The following KIF13A variants were observed in gnomAD, a reference collection of about 807,000 sequenced individuals.
KIF13A encodes kinesin-like protein KIF13A.
In KIF13A, 79 loss-of-function variants were observed where a neutral mutation model predicts 212.2. The ratio of observed to expected loss-of-function variants is 0.37; its 90% CI spans 0.31 to 0.45. The LOEUF is 0.45. KIF13A is among the 20% of genes least tolerant of loss of function. The pLI, the probability that KIF13A is intolerant of heterozygous loss-of-function variation, is 1.00. For synonymous variants in KIF13A, 789 were observed against 808.6 expected (o/e 0.98, Z 0.41); for missense variants, 1,901 against 2,209.0 (o/e 0.86, Z 2.79).
rs1779839185 is a variant in KIF13A, at chr6:17,971,924, G to A, written c.146+15130C>T. On this transcript the variant is annotated intron_variant, in intron 2 of 38. Transcript: ENST00000259711. This position sits in a 1 kb window ranked among gnomAD's most constrained non-coding sequence, Gnocchi z 4.2. ...TCTAGCTAGAGAGCTTAAAAAAAATGTCCCTAGGATTACAGTAGACCAGCA... is the reference window on the plus strand; with the variant it reads ...TCTAGCTAGAGAGCTTAAAAAAAATATCCCTAGGATTACAGTAGACCAGCA... Among the ~76,000 whole-genome samples, 1 of 152,126 alleles carries A rather than the reference G, an allele frequency of 6.6e-6. No individual in the cohort carries two copies. Among genetic ancestry groups the A allele is most frequent in the Non-Finnish European group, 1.5e-5 (1 of 68,028 alleles).
At chr6:17,821,648 T>C in intron 16 of KIF13A, 1 of 864,516 alleles carries the variant, frequency 1.2e-6, no homozygotes, top group Non-Finnish European at 1.7e-6. Context: ...ACAGAACACC[T>C]TCATCAGCCA....
Position 17,934,304 on chromosome 6 carries a change from G to A in KIF13A, c.147-36124C>T, listed in dbSNP as rs1189371996. Reference sequence around the variant, plus strand: ...GGCTTGTAGCGTGCACTTGCAGGTAGGCAAGAAAAGAAACCTACACCAGTT... The same window carrying A: ...GGCTTGTAGCGTGCACTTGCAGGTAAGCAAGAAAAGAAACCTACACCAGTT... On this transcript the variant is annotated intron_variant, in intron 2 of 38. Transcript: ENST00000259711. The surrounding 1 kb of genome is among the most constrained non-coding windows in gnomAD (Gnocchi z 5.4). Among the ~76,000 whole-genome samples the A allele has an allele frequency of 6.6e-6, 1 of 152,106 alleles. No individual in the cohort carries two copies. Among genetic ancestry groups the A allele is most frequent in the Non-Finnish European group, 1.5e-5 (1 of 68,028 alleles).
intron 9 of KIF13A, among the ~76,000 whole-genome samples, chr6:17,847,813 T>C (rs907486332): frequency 2.0e-5 from 3 of 152,106 alleles, no homozygotes; most frequent in African/African-American, 7.2e-5. Context: ...GGTACTATTA[T>C]TATTATTATT....
At chr6:17,806,535 A>G (rs530338944) in intron 18 of KIF13A, among the ~76,000 whole-genome samples, 1 of 152,218 alleles carries the variant, frequency 6.6e-6, no homozygotes, top group East Asian at 1.9e-4. Context: ...ATGAAAAACA[A>G]TTTTCTTACT....
intron 9 of KIF13A, among the ~76,000 whole-genome samples, chr6:17,841,985 G>A (rs1395044821): frequency 1.4e-5 from 2 of 147,040 alleles, no homozygotes; most frequent in Non-Finnish European, 3.0e-5. Flanking sequence ...ATGTATGTAT[G>A]TGTATATACA....
At chr6:17,889,400 G>A (rs550067246) in intron 3 of KIF13A, among the ~76,000 whole-genome samples, 17 of 152,194 alleles carry the variant, frequency 1.1e-4, no homozygotes, top group Admixed American at 5.9e-4. Context: ...AAAAAACACC[G>A]AAAGTGAATT....
rs112683346 is a variant in KIF13A at position 17,951,437 on chromosome 6, T to TA, written c.146+35616dup. On this transcript the variant is annotated intron_variant, in intron 2 of 38. Coordinates refer to ENST00000259711, the MANE Select transcript of KIF13A (RefSeq NM_022113.6). This position sits in a 1 kb window ranked among gnomAD's most constrained non-coding sequence, Gnocchi z 4.9. The stretch of plus-strand genomic sequence containing the variant: ...TGAGCCACTGTGACCAGCCTCAATT[T>TA]AAAAAAAAAAAAAAAACAGCTTTAA... 0.058 allele frequency: 26,730 copies of TA among 464,404 alleles called. 46 individuals carry two copies. The highest frequency in any genetic ancestry group is 0.099 in the East Asian group (2,726 of 27,520). The allele number at this position is 464,404 out of a possible 1,614,324, so 28.8% of individuals were successfully genotyped here.
At chr6:17,885,058 G>A (rs1771413891) in intron 3 of KIF13A, among the ~76,000 whole-genome samples, 1 of 151,950 alleles carries the variant, frequency 6.6e-6, no homozygotes, top group Non-Finnish European at 1.5e-5. Flanking sequence ...TTAATGCCAA[G>A]TTTCAATGCT....
In KIF13A at chr6:17,971,240, C is replaced by G. The variant is rs140647198; in HGVS notation, c.146+15814G>C. Among the ~76,000 whole-genome samples the G allele has an allele frequency of 4.6e-5, 7 of 152,300 alleles. No individual in the cohort carries two copies. Among genetic ancestry groups the G allele is most frequent in the African/African-American group, 1.4e-4 (6 of 41,560 alleles). On this transcript the variant is annotated intron_variant, in intron 2 of 38. Transcript: ENST00000259711. This position sits in a 1 kb window ranked among gnomAD's most constrained non-coding sequence, Gnocchi z 4.2. ...GGACACCTAACTGTACTTCACAGTT[C>G]AGAGTTCACATAGCTATGGTGGTAT...
chr6:17,817,306 C>T, intron 16 of KIF13A, 73 bp from the exon 17 acceptor site: 1 of 1,312,902 alleles, frequency 7.6e-7, no homozygotes, highest in East Asian at 2.3e-5. Flanking sequence ...GCACTGCAGC[C>T]TGTGGGAGGC....
rs1211946702 is a variant in KIF13A at position 17,912,093 on chromosome 6, TAA to T, written c.147-13915_147-13914del. On this transcript the variant is annotated intron_variant, in intron 2 of 38. Coordinates refer to ENST00000259711, the MANE Select transcript of KIF13A (RefSeq NM_022113.6). This position sits in a 1 kb window ranked among gnomAD's most constrained non-coding sequence, Gnocchi z 4.2. ...ATTTAACTGTACATTTAAAAATAAC[TAA>T]AAGAGTATAATTGGATTGTTTGTAA... Among the ~76,000 whole-genome samples, 3 of 152,144 alleles carry T rather than the reference TAA, an allele frequency of 2.0e-5. No individual in the cohort carries two copies. Among genetic ancestry groups the T allele is most frequent in the Non-Finnish European group, 4.4e-5 (3 of 68,026 alleles).
Position 17,984,392 on chromosome 6 carries a change from T to C in KIF13A, c.146+2662A>G, listed in dbSNP as rs1276422879. On this transcript the variant is annotated intron_variant, in intron 2 of 38. Transcript: ENST00000259711. The surrounding 1 kb of genome is among the most constrained non-coding windows in gnomAD (Gnocchi z 5.0). ...ATTTTAAGAAACAAATCCATGTGTC[T>C]TAATGTTTCAGAATGGTGATCAGTA... 1 of 339,866 alleles carries C rather than the reference T, an allele frequency of 2.9e-6. No individual in the cohort carries two copies. Among genetic ancestry groups the C allele is most frequent in the Non-Finnish European group, 4.2e-6 (1 of 240,092 alleles). 21.1% of individuals were successfully genotyped at this position (339,866 alleles called of 1,614,324 possible).
chr6:17,793,933 A>C (rs1472237449), intron 25 of KIF13A, among the ~76,000 whole-genome samples: 1 of 152,132 alleles, frequency 6.6e-6, no homozygotes, highest in Non-Finnish European at 1.5e-5. Context: ...AACACACACA[A>C]AAAAACCCAA....
Position 17,855,436 on chromosome 6 carries a change from C to A in KIF13A, c.494+1G>T. 1 of 1,605,210 alleles carries A rather than the reference C, an allele frequency of 6.2e-7. No individual in the cohort carries two copies. Among genetic ancestry groups the A allele is most frequent in the Non-Finnish European group, 8.5e-7 (1 of 1,175,414 alleles). ...ACACTTAATCTTGACCACTAACTTA[C>A]CCTTTGGGGTCTAAAAGATCCCGAA... On this transcript the variant is annotated splice_donor_variant, in intron 6 of 38. Coordinates refer to ENST00000259711, the MANE Select transcript of KIF13A (RefSeq NM_022113.6). LOFTEE classifies it high-confidence loss of function. This position sits in a 1 kb window ranked among gnomAD's most constrained non-coding sequence, Gnocchi z 4.1.
intron 23 of KIF13A, 44 bp downstream of exon 23, chr6:17,796,625 C>T: frequency 7.5e-7 from 1 of 1,336,660 alleles, no homozygotes; most frequent in South Asian, 1.9e-5. Context: ...CTGCTCAAGT[C>T]CTAGTCTTAA....
At chr6:17,935,450 G>A (rs1456866689) in intron 2 of KIF13A, among the ~76,000 whole-genome samples, 3 of 152,036 alleles carry the variant, frequency 2.0e-5, no homozygotes, top group Non-Finnish European at 2.9e-5. Context: ...CACATCCTGC[G>A]CTCTCTTGTC....
chr6:17,827,097 A>T (rs1765031867), intron 14 of KIF13A, among the ~76,000 whole-genome samples: 2 of 151,214 alleles, frequency 1.3e-5, no homozygotes. Context: ...AAATAAAATA[A>T]TTTTTTTTCT....
At chr6:17,975,282 G>T (rs73373195) in intron 2 of KIF13A, among the ~76,000 whole-genome samples, 1,748 of 152,290 alleles carry the variant, frequency 0.011, 26 homozygotes, top group African/African-American at 0.04. Context: ...GAATCTGGGA[G>T]GTGAAGGTTG....
intron 9 of KIF13A, among the ~76,000 whole-genome samples, chr6:17,847,311 T>G (rs922857372): frequency 2.0e-5 from 3 of 152,024 alleles, no homozygotes; most frequent in Admixed American, 2.0e-4. Flanking sequence ...CATTTTGGCA[T>G]GCAGGGCTGC....
Sources: gnomAD v4.1 joint callset for allele counts (sites outside exome capture counted in the v4.1 genomes callset) on GRCh38, gnomAD v4.1.1 for gene constraint, Gnocchi (gnomAD v3.1) non-coding constraint, MANE v1.5 for transcripts, NCBI Gene and HGNC (gene_info 2026-07-23, HGNC 2026-07-21) for gene names.